Variants in PKHD1L1 observed in about 807,000 individuals in gnomAD.
PKHD1L1 encodes the protein fibrocystin-L.
A neutral mutation model predicts 462.9 loss-of-function variants in PKHD1L1; 434 were observed. The ratio of observed to expected loss-of-function variants is 0.94; its 90% CI spans 0.87 to 1.02. PKHD1L1 has a LOEUF of 1.02. PKHD1L1 is among the 50% of genes least tolerant of loss of function. PKHD1L1 has a pLI of 0.00. For synonymous variants in PKHD1L1, 1,781 were observed against 1,750.0 expected, an observed-to-expected ratio of 1.02 and a Z score of -0.44; for missense variants, 5,202 against 5,096.1, an observed-to-expected ratio of 1.02 and a Z score of -0.63.
At chr8:109,411,782 T>A (rs1298843769) in intron 19 of PKHD1L1, among the ~76,000 whole-genome samples, 11 of 152,188 alleles carry the variant, frequency 7.2e-5, no homozygotes, top group Admixed American at 7.2e-4. Context: ...AACTCATTTG[T>A]CACTTCCCCT....
intron 17 of PKHD1L1, 84 bp downstream of exon 17, chr8:109,406,562 A>G: frequency 7.3e-7 from 1 of 1,378,740 alleles, no homozygotes; most frequent in Non-Finnish European, 9.5e-7. Flanking sequence ...GATGACAGAG[A>G]AAAAGACTTG....
intron 4 of PKHD1L1, among the ~76,000 whole-genome samples, chr8:109,383,121 T>TATAA (rs1320428249): frequency 9.3e-6 from 1 of 107,616 alleles, no homozygotes; most frequent in Non-Finnish European, 1.7e-5. Flanking sequence ...ATATATAATA[T>TATAA]ATAGTTATAT....
chr8:109,431,411 A>G (rs1001689782), intron 27 of PKHD1L1, among the ~76,000 whole-genome samples: 9 of 152,182 alleles, frequency 5.9e-5, no homozygotes, highest in Non-Finnish European at 4.4e-5. Flanking sequence ...AGGAACAGCT[A>G]AATTTCTCTT....
intron 77 of PKHD1L1, among the ~76,000 whole-genome samples, chr8:109,529,631 G>GT (rs1402461625): frequency 6.6e-6 from 1 of 151,988 alleles, no homozygotes; most frequent in Non-Finnish European, 1.5e-5. Flanking sequence ...TAGCTCCTGA[G>GT]TTTTTTCCAG....
chr8:109,466,167 T>C (rs1817430150), intron 49 of PKHD1L1, among the ~76,000 whole-genome samples: 1 of 152,222 alleles, frequency 6.6e-6, no homozygotes, highest in Non-Finnish European at 1.5e-5. Context: ...GCCTTTGATA[T>C]ATAAAGCTTT....
chr8:109,510,762 T>G lies in PKHD1L1; in HGVS notation c.11396-15T>G. The G allele has an allele frequency of 6.2e-7, 1 of 1,607,498 alleles. No individual in the cohort carries two copies. The highest frequency in any genetic ancestry group is 1.1e-5 in the South Asian group (1 of 89,906). On this transcript the variant is annotated splice_polypyrimidine_tract_variant and intron_variant, in intron 70 of 77. Coordinates refer to ENST00000378402, the MANE Select transcript of PKHD1L1 (RefSeq NM_177531.6). Reference sequence around the variant, plus strand: ...ATGATATAGGAGTATGCACTTTCATTTTGCATGGATTTAGGCCCACAGGAT... The same window carrying G: ...ATGATATAGGAGTATGCACTTTCATGTTGCATGGATTTAGGCCCACAGGAT...
At chr8:109,410,705 T>TTTTTCTTTTC (rs138802186) in intron 19 of PKHD1L1, among the ~76,000 whole-genome samples, 13 of 120,518 alleles carry the variant, frequency 1.1e-4, no homozygotes, top group Admixed American at 3.2e-4. Flanking sequence ...GGTATTTTCT[T>TTTTTCTTTTC]TTTTCTTTTC....
intron 49 of PKHD1L1, 106 bp from the exon 50 acceptor site, chr8:109,466,472 T>C (rs1410691734): frequency 3.5e-6 from 4 of 1,154,726 alleles, no homozygotes; most frequent in East Asian, 2.7e-5. Flanking sequence ...ACCCAGACTT[T>C]TAGACTGTAT....
Position 109,530,071 on chromosome 8 carries a change from AT to A in PKHD1L1, c.12722-4del. On this transcript the variant is annotated splice_region_variant and splice_polypyrimidine_tract_variant and intron_variant, in intron 77 of 77. Coordinates refer to ENST00000378402, the MANE Select transcript of PKHD1L1 (RefSeq NM_177531.6). ...TTAAAAATTGTTTTGTATTGTTTCCATTTTTCAGGAAGCTACTAAAGTGCTG... is the reference window on the plus strand; with the variant it reads ...TTAAAAATTGTTTTGTATTGTTTCCATTTTCAGGAAGCTACTAAAGTGCTG... 3.7e-6 allele frequency: 5 copies of A among 1,342,804 alleles called. No individual in the cohort carries two copies. Among genetic ancestry groups the A allele is most frequent in the Non-Finnish European group, 3.9e-6 (4 of 1,021,310 alleles). 83.2% of individuals were successfully genotyped at this position (1,342,804 alleles called of 1,614,324 possible).
At chr8:109,490,109 AT>A in intron 60 of PKHD1L1, 54 bp downstream of exon 60, 2 of 1,134,414 alleles carry the variant, frequency 1.8e-6, no homozygotes, top group Non-Finnish European at 2.5e-6. Context: ...AAATATTTTT[AT>A]TTTCATTTGA....
chr8:109,500,920 CT>C (rs925482837), intron 67 of PKHD1L1, among the ~76,000 whole-genome samples: 9 of 152,026 alleles, frequency 5.9e-5, no homozygotes, highest in African/African-American at 2.2e-4. Context: ...GTAGGTATAA[CT>C]TTATTTTTAT....
chr8:109,444,574 A>G, intron 37 of PKHD1L1, 87 bp from the exon 38 acceptor site: 1 of 1,259,324 alleles, frequency 7.9e-7, no homozygotes, highest in Non-Finnish European at 1.1e-6. Flanking sequence ...ATTAACTTTT[A>G]AAATTTGTAG....
rs548309489 is a variant in PKHD1L1 at position 109,532,467 on chromosome 8, A to G, written c.*2377A>G. The stretch of plus-strand genomic sequence containing the variant: ...TTATTTTTGCTTTTTTTTTGCATTT[A>G]AATAATATTTCTCTGAACATTCTGT... On this transcript the variant is annotated 3_prime_UTR_variant, in exon 78 of 78. Transcript: ENST00000378402. Among the ~76,000 whole-genome samples the G allele has an allele frequency of 3.3e-5, 5 of 152,100 alleles. No homozygotes were observed. Among genetic ancestry groups the G allele is most frequent in the African/African-American group, 1.2e-4 (5 of 41,502 alleles).
In PKHD1L1 at chr8:109,419,192, C is replaced by T. The variant is rs1814338536; in HGVS notation, c.2456C>T (p.Ser819Leu). Residue 819 changes from serine to leucine, a missense_variant, in exon 22 of 78, where the codon TCA becomes TTA. This residue lies in a region of PKHD1L1 where 4,497 missense variants were observed against 4,336.8 expected (regional missense o/e 1.04). Coordinates refer to ENST00000378402, the MANE Select transcript of PKHD1L1 (RefSeq NM_177531.6). ...SLQRISLHKA[S>L]ESQSFYVDVV... ...CAGAGGATTAGCTTACATAAAGCAT[C>T]AGAATCACAGTCCTTCTATGTGGAT... 4 of 1,613,166 alleles carry T rather than the reference C, an allele frequency of 2.5e-6. No homozygotes were observed. The highest frequency in any genetic ancestry group is 3.4e-6 in the Non-Finnish European group (4 of 1,179,456).
At chr8:109,384,189 A>G (rs1812312526) in intron 5 of PKHD1L1, 62 bp downstream of exon 5, 2 of 1,216,682 alleles carry the variant, frequency 1.6e-6, no homozygotes, top group Non-Finnish European at 1.2e-6. Context: ...TTTATTTTTT[A>G]GTATATGAAA....
Position 109,398,525 on chromosome 8 carries a change from A to G in PKHD1L1, c.989A>G (p.His330Arg), listed in dbSNP as rs569774959. 1.9e-6 allele frequency: 3 copies of G among 1,568,734 alleles called. No individual in the cohort carries two copies. The highest frequency in any genetic ancestry group is 1.7e-4 in the Middle Eastern group (1 of 5,986). The change falls in exon 12 of 78, where the codon CAT (histidine) becomes CGT (arginine). Residue 330 changes from histidine (H) to arginine (R), a missense_variant. Physicochemically the swap from His to Arg is conservative, Grantham distance 29. Transcript: ENST00000378402. ...TGTTGCAAGACACCCCCCAAACCTCATATTCTCAAAACTGTATATCCAGGT... is the reference window on the plus strand; with the variant it reads ...TGTTGCAAGACACCCCCCAAACCTCGTATTCTCAAAACTGTATATCCAGGT... ...SICCKTPPKP[H>R]ILKTVYPGGR...
intron 3 of PKHD1L1, 28 bp downstream of exon 3, chr8:109,381,542 T>A: frequency 6.9e-7 from 1 of 1,455,492 alleles, no homozygotes; most frequent in East Asian, 2.4e-5. Context: ...TTTAATAAAA[T>A]CATTTTCATC....
chr8:109,451,640 T>C (rs117372577), intron 41 of PKHD1L1, among the ~76,000 whole-genome samples: 16 of 152,344 alleles, frequency 1.1e-4, no homozygotes, highest in Non-Finnish European at 1.0e-4. Context: ...TTGTCATCAT[T>C]ATTCAGGTGC....
In PKHD1L1 at chr8:109,412,205, G is replaced by A. The variant is rs948860881; in HGVS notation, c.2086-60G>A. 32 of 1,584,372 alleles carry A rather than the reference G, an allele frequency of 2.0e-5. No homozygotes were observed. In the Admixed American group the frequency reaches 2.6e-4, roughly 13 times the overall value. On this transcript the variant is annotated intron_variant, in intron 19 of 77. Transcript: ENST00000378402. ...AACCTTGAGTGGTTTGGGTGCACAC[G>A]TTGGGGGAAAACCAGAACAATAAAT...
Sources: gnomAD v4.1 joint callset for allele counts (sites outside exome capture counted in the v4.1 genomes callset) on GRCh38, gnomAD v4.1.1 for gene constraint, gnomAD v4.1.1 regional missense constraint, MANE v1.5 for transcripts, NCBI Gene and HGNC (gene_info 2026-07-23, HGNC 2026-07-21) for gene names.